LRRC28: variants seen among roughly 807,000 people sequenced by gnomAD.
LRRC28 encodes leucine-rich repeat-containing protein 28.
In LRRC28, 39 loss-of-function variants were observed where a neutral mutation model predicts 45.7. The ratio of observed to expected loss-of-function variants is 0.85; its 90% CI spans 0.66 to 1.12. The LOEUF (loss-of-function observed/expected upper bound fraction) is 1.12. Among genes scored for constraint, LRRC28 ranks in the 50% most tolerant of loss-of-function variants. The pLI, the probability that LRRC28 is intolerant of heterozygous loss-of-function variation, is 0.00. For synonymous variants in LRRC28, 206 were observed against 178.8 expected (o/e 1.15, Z -1.22); for missense variants, 435 against 438.5 (o/e 0.99, Z 0.07).
At chr15:99,330,512 T>C (rs1352035002) in intron 5 of LRRC28, among the ~76,000 whole-genome samples, 1 of 152,170 alleles carries the variant, frequency 6.6e-6, no homozygotes, top group South Asian at 2.1e-4. Context: ...CTTATAGCAT[T>C]TCTTGTCTAT....
At chr15:99,276,207 T>C (rs563352805) in intron 2 of LRRC28, among the ~76,000 whole-genome samples, 171 of 152,154 alleles carry the variant, frequency 1.1e-3, no homozygotes, top group Non-Finnish European at 2.0e-3. Context: ...TGTATAATTA[T>C]TTCATTATGT....
intron 5 of LRRC28, among the ~76,000 whole-genome samples, chr15:99,288,624 C>A (rs1376971812): frequency 1.3e-5 from 2 of 152,104 alleles, no homozygotes; most frequent in Non-Finnish European, 2.9e-5. Context: ...TTGTGATCCA[C>A]CTGCCTTGGC....
In LRRC28 at chr15:99,305,812, A is replaced by G. The variant is rs969706554; in HGVS notation, c.385+17861A>G. On this transcript the variant is annotated intron_variant, in intron 5 of 9. Coordinates refer to ENST00000301981, the MANE Select transcript of LRRC28 (RefSeq NM_144598.5). ...ATCCTTCTTTGTGTTTCTCCACTCA[A>G]ATCTCCTTGAATGTTCAAACTGAGC... Among the ~76,000 whole-genome samples the G allele has an allele frequency of 2.0e-5, 3 of 152,156 alleles. No individual in the cohort carries two copies. The South Asian group carries it at 6.2e-4, about 32-fold the overall frequency.
intron 6 of LRRC28, among the ~76,000 whole-genome samples, chr15:99,346,498 A>G (rs1353110865): frequency 6.6e-6 from 1 of 152,240 alleles, no homozygotes; most frequent in Non-Finnish European, 1.5e-5. Flanking sequence ...ACAAAATAGC[A>G]AAAATTTGAA....
chr15:99,307,562 A>G (rs888787761), intron 5 of LRRC28, among the ~76,000 whole-genome samples: 20 of 152,232 alleles, frequency 1.3e-4, no homozygotes, highest in Admixed American at 2.6e-4. Flanking sequence ...TTTAAAATGT[A>G]AAAGTTGTTA....
chr15:99,355,723 T>C (rs1240913106), intron 7 of LRRC28: 2 of 149,706 alleles, frequency 1.3e-5, no homozygotes, highest in Admixed American at 6.6e-5. Flanking sequence ...TTTTTTCCAA[T>C]TGTTTAATTA....
At chr15:99,265,948 A>G (rs2081321727) in intron 2 of LRRC28, among the ~76,000 whole-genome samples, 1 of 152,214 alleles carries the variant, frequency 6.6e-6, no homozygotes, top group Non-Finnish European at 1.5e-5. Flanking sequence ...TTGCCCAAAT[A>G]CTGATAGAGC....
intron 5 of LRRC28, among the ~76,000 whole-genome samples, chr15:99,312,643 A>C (rs575109678): frequency 6.6e-6 from 1 of 152,346 alleles, no homozygotes; most frequent in South Asian, 2.1e-4. Context: ...GCTGTCCTTC[A>C]TACAACTGGC....
chr15:99,386,078 G>A lies in LRRC28; in HGVS notation c.1080G>A (p.Leu360=). ...FVAYCCSTQC[L]QTFDLLS ...CTTACTGCTGCTCCACCCAGTGTCTGCAGACTTTTGACCTGCTGAGTTGAT... is the reference window on the plus strand; with the variant it reads ...CTTACTGCTGCTCCACCCAGTGTCTACAGACTTTTGACCTGCTGAGTTGAT... The change falls in exon 10 of 10, where the codon CTG becomes CTA. Residue 360 remains leucine, a synonymous_variant. Transcript: ENST00000301981. 6.2e-7 allele frequency: 1 copy of A among 1,614,064 alleles called. No individual in the cohort carries two copies. Among genetic ancestry groups the A allele is most frequent in the East Asian group, 2.2e-5 (1 of 44,882 alleles).
chr15:99,367,848 G>A (rs1957382119), intron 9 of LRRC28, among the ~76,000 whole-genome samples: 1 of 152,014 alleles, frequency 6.6e-6, no homozygotes, highest in Admixed American at 6.6e-5. Flanking sequence ...TTGATGATTG[G>A]TGATTGGCAC....
At chr15:99,372,935 A>G (rs1400563670) in intron 9 of LRRC28, among the ~76,000 whole-genome samples, 3 of 152,088 alleles carry the variant, frequency 2.0e-5, no homozygotes, top group Non-Finnish European at 4.4e-5. Context: ...AGAACTGCTG[A>G]GCAAAGAGGG....
intron 2 of LRRC28, among the ~76,000 whole-genome samples, chr15:99,264,927 T>C (rs950680889): frequency 2.6e-5 from 4 of 152,142 alleles, no homozygotes; most frequent in East Asian, 1.9e-4. Flanking sequence ...CTTTCCTCCT[T>C]TGTAAAAGTA....
chr15:99,289,410 T>C (rs1277999924), intron 5 of LRRC28, among the ~76,000 whole-genome samples: 2 of 152,204 alleles, frequency 1.3e-5, no homozygotes, highest in African/African-American at 2.4e-5. Flanking sequence ...CCTTTTAGTG[T>C]ATCTAAGTGA....
At chr15:99,378,747 G>A (rs898758347) in intron 9 of LRRC28, among the ~76,000 whole-genome samples, 1 of 152,204 alleles carries the variant, frequency 6.6e-6, no homozygotes, top group Non-Finnish European at 1.5e-5. Flanking sequence ...TTTTTAGCAT[G>A]AAGGGCTGTT....
intron 5 of LRRC28, among the ~76,000 whole-genome samples, chr15:99,311,286 AT>A (rs1215804394): frequency 3.9e-5 from 6 of 152,116 alleles, no homozygotes; most frequent in African/African-American, 1.4e-4. Flanking sequence ...AAATCTTTGG[AT>A]TTTAGAGCAT....
chr15:99,371,061 G>C (rs534342135), intron 9 of LRRC28, among the ~76,000 whole-genome samples: 1 of 151,260 alleles, frequency 6.6e-6, no homozygotes, highest in Non-Finnish European at 1.5e-5. Context: ...AGCTGAGATC[G>C]CGCCACTGCA....
chr15:99,352,313 T>C, intron 6 of LRRC28, 56 bp from the exon 7 acceptor site: 2 of 1,149,724 alleles, frequency 1.7e-6, no homozygotes, highest in South Asian at 2.7e-5. Flanking sequence ...ATTTTATATT[T>C]CACATTATAA....
At position 99,387,106 on chromosome 15, in the gene LRRC28, G is replaced by GCCGGA. The variant is rs1427677772; in HGVS notation, c.*1005_*1006insCGGAC. The GCCGGA allele has an allele frequency of 4.6e-5, 7 of 151,742 alleles. No individual in the cohort carries two copies. The highest frequency in any genetic ancestry group is 2.1e-4 in the South Asian group (1 of 4,766). 9.4% of individuals were successfully genotyped at this position (151,742 alleles called of 1,614,324 possible). A position where few individuals can be genotyped will look rare whatever the true frequency, so the allele number is the denominator to read the frequency against. On this transcript the variant is annotated 3_prime_UTR_variant, in exon 10 of 10. Transcript: ENST00000301981. ...GACGGAGTCTCGCTCTGTCGCCCAGGCTGGAGTGCAGTGGCGGGATCTCGG... is the reference window on the plus strand; with the variant it reads ...GACGGAGTCTCGCTCTGTCGCCCAGGCCGGACTGGAGTGCAGTGGCGGGATCTCGG...
chr15:99,303,695 G>A (rs144723684), intron 5 of LRRC28, among the ~76,000 whole-genome samples: 350 of 152,106 alleles, frequency 2.3e-3, no homozygotes, highest in African/African-American at 7.6e-3. Flanking sequence ...TTAGCTGGGC[G>A]TGGTGGTGCA....
Sources: allele counts gnomAD v4.1 joint callset (sites outside exome capture counted in the v4.1 genomes callset), GRCh38; gene constraint gnomAD v4.1.1; transcripts MANE v1.5; gene names NCBI Gene and HGNC (gene_info 2026-07-23, HGNC 2026-07-21).